The following PAN3 variants were observed in gnomAD, a reference collection of about 807,000 sequenced individuals.
PAN3 encodes poly(A) specific ribonuclease subunit PAN3.
A neutral mutation model predicts 96.2 loss-of-function variants in PAN3; 19 were observed. That is an observed-to-expected ratio of 0.20 (90% CI 0.14 to 0.29). The LOEUF (loss-of-function observed/expected upper bound fraction) is 0.29. Among genes scored for constraint, PAN3 ranks in the 10% least tolerant of loss-of-function variants. The pLI, the probability that PAN3 is intolerant of heterozygous loss-of-function variation, is 1.00. For synonymous variants in PAN3, 433 were observed against 406.6 expected (o/e 1.06, Z -0.78); for missense variants, 882 against 1,108.1 (o/e 0.80, Z 2.90).
intron 6 of PAN3, among the ~76,000 whole-genome samples, chr13:28,223,385 G>T (rs901515163): frequency 2.6e-5 from 4 of 152,076 alleles, no homozygotes; most frequent in Non-Finnish European, 5.9e-5. Flanking sequence ...AGTATCTTTT[G>T]TGAAGTTAGT....
intron 17 of PAN3, among the ~76,000 whole-genome samples, chr13:28,281,685 TC>T (rs1463139294): frequency 6.6e-6 from 1 of 152,204 alleles, no homozygotes. Context: ...GGAAGAAGTT[TC>T]ATGTAAGTTT....
rs80007281 is a variant in PAN3 at position 28,289,178 on chromosome 13, A to G, written c.2523+1056A>G. Among the ~76,000 whole-genome samples, 694 of 152,322 alleles carry G rather than the reference A, an allele frequency of 4.6e-3. 7 individuals carry two copies. The East Asian group carries it at 0.052, about 11-fold the overall frequency. ...AAATAATAAAAGCACAATACTAGTG[A>G]CATCAGTTACTAGCAGGTCCAGCTG... is the stretch of plus-strand genomic sequence containing the variant. On this transcript the variant is annotated intron_variant, in intron 18 of 18. Transcript: ENST00000380958.
At position 28,205,136 on chromosome 13, in the gene PAN3, T is replaced by G. The variant is rs921391223; in HGVS notation, c.852+7790T>G. ...TGGGTGGTTGGAAACTCACTAGATT[T>G]ACTTCCGTCTTTACTCACTGGGTTT... On this transcript the variant is annotated intron_variant, in intron 5 of 18. Coordinates refer to ENST00000380958, the MANE Select transcript of PAN3 (RefSeq NM_175854.8). Among the ~76,000 whole-genome samples the G allele has an allele frequency of 7.2e-5, 11 of 152,286 alleles. No homozygotes were observed. The South Asian group carries it at 1.5e-3, about 20-fold the overall frequency.
At chr13:28,291,788 G>T (rs571152130) in intron 18 of PAN3, among the ~76,000 whole-genome samples, 1 of 151,986 alleles carries the variant, frequency 6.6e-6, no homozygotes, top group Non-Finnish European at 1.5e-5. Context: ...CCAAGATTGC[G>T]CCATTGCACT....
intron 8 of PAN3, among the ~76,000 whole-genome samples, chr13:28,260,996 T>C (rs1885673534): frequency 6.6e-6 from 1 of 152,234 alleles, no homozygotes; most frequent in Non-Finnish European, 1.5e-5. Context: ...CAGCTAGTTA[T>C]TTGGTATGTA....
intron 1 of PAN3, among the ~76,000 whole-genome samples, chr13:28,161,226 T>C (rs1415317381): frequency 6.6e-6 from 1 of 152,204 alleles, no homozygotes; most frequent in African/African-American, 2.4e-5. Context: ...AACAGAAATT[T>C]ATTGTCTCAG....
In PAN3 at chr13:28,143,928, C is replaced by T. The variant is rs1870208515; in HGVS notation, c.430+4841C>T. ...AGACTAGCCTTTTCATCCCACAAAC[C>T]TATACTAAGTGACAGAGAAGTGAGT... On this transcript the variant is annotated intron_variant, in intron 1 of 18. Coordinates refer to ENST00000380958, the MANE Select transcript of PAN3 (RefSeq NM_175854.8). Among the ~76,000 whole-genome samples, 3 of 152,274 alleles carry T rather than the reference C, an allele frequency of 2.0e-5. No homozygotes were observed. In the South Asian group the frequency reaches 6.2e-4, roughly 32 times the overall value.
chr13:28,156,992 CAAAAAAAAAAAAAAA>C (rs35448291), intron 1 of PAN3, among the ~76,000 whole-genome samples: 2 of 18,450 alleles, frequency 1.1e-4, no homozygotes, highest in African/African-American at 3.3e-4. Flanking sequence ...GAGACCCTGT[CAAAAAAAAAAAAAAA>C]AAAAAAAAAA....
intron 4 of PAN3, among the ~76,000 whole-genome samples, chr13:28,195,712 T>A (rs887844833): frequency 3.9e-5 from 6 of 152,042 alleles, no homozygotes; most frequent in Admixed American, 3.3e-4. Flanking sequence ...ATTTTTGTAC[T>A]TTTGGTAGAG....
At chr13:28,258,467 A>C (rs1391424867) in intron 7 of PAN3, among the ~76,000 whole-genome samples, 1 of 152,234 alleles carries the variant, frequency 6.6e-6, no homozygotes, top group Non-Finnish European at 1.5e-5. Flanking sequence ...AAGAAGCTGG[A>C]AGCTGATTTA....
intron 1 of PAN3, among the ~76,000 whole-genome samples, chr13:28,146,300 GTCTCTCTCTCTC>G (rs71086834): frequency 2.8e-5 from 4 of 143,508 alleles, no homozygotes; most frequent in Admixed American, 7.1e-5. Flanking sequence ...CTCTTTCTCT[GTCTCTCTCTCTC>G]TCTCTCTCTC....
chr13:28,143,036 T>A (rs973330093), intron 1 of PAN3, among the ~76,000 whole-genome samples: 7 of 152,210 alleles, frequency 4.6e-5, no homozygotes, highest in Non-Finnish European at 1.5e-5. Flanking sequence ...GCACAAAGGC[T>A]TTTTCTTAAT....
intron 6 of PAN3, among the ~76,000 whole-genome samples, chr13:28,249,697 G>A (rs561700173): frequency 6.6e-5 from 10 of 152,194 alleles, no homozygotes; most frequent in Admixed American, 1.3e-4. Flanking sequence ...GGATCTACCC[G>A]TCTCAGCCTC....
rs750671309 is a variant in PAN3 at position 28,292,622 on chromosome 13, C to T, written c.*100C>T. The T allele has an allele frequency of 5.6e-4, 694 of 1,243,322 alleles. 1 individual carries two copies. Among genetic ancestry groups the T allele is most frequent in the Non-Finnish European group, 6.7e-4 (623 of 923,988 alleles). 77.0% of individuals were successfully genotyped at this position (1,243,322 alleles called of 1,614,324 possible). A position where few individuals can be genotyped will look rare whatever the true frequency, so the allele number is the denominator to read the frequency against. ...CATCATCTCATTCACATTTGGGAAA[C>T]GAACAGGAGATGAGCAAAGCTGCTT... On this transcript the variant is annotated 3_prime_UTR_variant, in exon 19 of 19. Transcript: ENST00000380958.
chr13:28,244,798 T>TC (rs1884020936), intron 6 of PAN3, among the ~76,000 whole-genome samples: 2 of 152,072 alleles, frequency 1.3e-5, no homozygotes, highest in Non-Finnish European at 2.9e-5. Flanking sequence ...ATGCTTTTTT[T>TC]CCCCCACATA....
At chr13:28,287,253 T>C (rs45585337) in intron 17 of PAN3, among the ~76,000 whole-genome samples, 14,199 of 152,270 alleles carry the variant, frequency 0.093, 825 homozygotes, top group African/African-American at 0.17. Context: ...TTTAATGTTA[T>C]ACATTTTCTG....
chr13:28,147,349 A>G (rs560614031), intron 1 of PAN3, among the ~76,000 whole-genome samples: 1 of 152,210 alleles, frequency 6.6e-6, no homozygotes, highest in Admixed American at 6.5e-5. Flanking sequence ...TGACTTTAGG[A>G]TGAGTTTATT....
At chr13:28,166,284 T>C (rs901222448) in intron 1 of PAN3, among the ~76,000 whole-genome samples, 2 of 151,990 alleles carry the variant, frequency 1.3e-5, no homozygotes, top group African/African-American at 4.8e-5. Context: ...AAGGGAGAAA[T>C]TGGAAAGAAG....
chr13:28,215,071 A>T, intron 5 of PAN3: 2 of 954,032 alleles, frequency 2.1e-6, no homozygotes, highest in East Asian at 4.8e-5. Flanking sequence ...TACAATCCTG[A>T]CACAGTAGCA....
Sources: gnomAD v4.1 joint callset for allele counts (sites outside exome capture counted in the v4.1 genomes callset) on GRCh38, gnomAD v4.1.1 for gene constraint, MANE v1.5 for transcripts, NCBI Gene and HGNC (gene_info 2026-07-23, HGNC 2026-07-21) for gene names.